The following LSAMP variants were observed in gnomAD, a reference collection of about 807,000 sequenced individuals.
LSAMP encodes limbic system-associated membrane protein.
A neutral mutation model predicts 38.6 loss-of-function variants in LSAMP; 7 were observed. That is an observed-to-expected ratio of 0.18 (90% confidence interval 0.10 to 0.34). The LOEUF is 0.34. Ranked by LOEUF, LSAMP falls within the 10% of genes least tolerant of loss-of-function variation. The pLI, the probability that LSAMP is intolerant of heterozygous loss-of-function variation, is 1.00. For synonymous variants in LSAMP, 154 were observed against 166.8 expected (o/e 0.92, Z 0.59); for missense variants, 313 against 420.0 (o/e 0.75, Z 2.23).
intron 2 of LSAMP, among the ~76,000 whole-genome samples, chr3:116,046,828 AATC>A (rs1941299597): frequency 2.0e-5 from 3 of 152,164 alleles, no homozygotes; most frequent in African/African-American, 7.2e-5. Flanking sequence ...AAATGAAGAT[AATC>A]ATTGTCAATA....
At chr3:115,925,233 T>G (rs1937472617) in intron 3 of LSAMP, among the ~76,000 whole-genome samples, 1 of 152,194 alleles carries the variant, frequency 6.6e-6, no homozygotes, top group Non-Finnish European at 1.5e-5. Context: ...TTCACAAAGC[T>G]TCTTGTGCTG....
intron 3 of LSAMP, among the ~76,000 whole-genome samples, chr3:115,906,628 C>T (rs963963145): frequency 2.0e-5 from 3 of 152,128 alleles, no homozygotes; most frequent in African/African-American, 7.2e-5. Context: ...CCATCAAAGC[C>T]TTAATTTGTT....
intron 3 of LSAMP, among the ~76,000 whole-genome samples, chr3:115,973,236 G>A (rs544952035): frequency 1.3e-5 from 2 of 152,294 alleles, no homozygotes; most frequent in East Asian, 3.9e-4. Flanking sequence ...GATTAATTTG[G>A]CAGCAGTCTA....
At chr3:116,249,181 A>G (rs1451719911) in intron 1 of LSAMP, among the ~76,000 whole-genome samples, 1 of 151,646 alleles carries the variant, frequency 6.6e-6, no homozygotes, top group Admixed American at 6.6e-5. Flanking sequence ...CTTAAACAAC[A>G]CTTTTGATAC....
Position 115,806,408 on chromosome 3 carries a change from A to G in LSAMP, c.*3909T>C, listed in dbSNP as rs1459624032. 1 of 152,232 alleles carries G rather than the reference A, an allele frequency of 6.6e-6. No individual in the cohort carries two copies. The highest frequency in any genetic ancestry group is 2.4e-5 in the African/African-American group (1 of 41,460). The allele number at this position is 152,232 out of a possible 1,614,324, so 9.4% of individuals were successfully genotyped here. On this transcript the variant is annotated 3_prime_UTR_variant, in exon 7 of 7. Coordinates refer to ENST00000490035, the MANE Select transcript of LSAMP (RefSeq NM_002338.5). ...AATGAAAAATTCAGGGAGAATAGCC[A>G]ATAGAAACAGTGAAACCACAACCAA... is the stretch of plus-strand genomic sequence containing the variant.
chr3:116,370,050 A>G (rs1421685836), intron 1 of LSAMP: 2 of 152,616 alleles, frequency 1.3e-5, no homozygotes, highest in Admixed American at 1.3e-4. Context: ...TAATACACTG[A>G]GCAAACTAAT....
In LSAMP at chr3:116,304,445, A is replaced by C. The variant is rs374056019; in HGVS notation, c.155+140432T>G. Among the ~76,000 whole-genome samples, 48 of 152,290 alleles carry C rather than the reference A, an allele frequency of 3.2e-4. No individual in the cohort carries two copies. In the South Asian group the frequency reaches 9.5e-3, roughly 30 times the overall value. ...ACTACAGGGAAAACCTTTTGAAACA[A>C]CATGGTGGCTACGAGGAAACATGTG... On this transcript the variant is annotated intron_variant, in intron 1 of 6. Transcript: ENST00000490035.
In LSAMP at chr3:116,266,068, C is replaced by T. The variant is rs185779011; in HGVS notation, c.155+178809G>A. On this transcript the variant is annotated intron_variant, in intron 1 of 6. Transcript: ENST00000490035. ...TTTATTTTCTCCCCTTGAGAATTTGCTGACTATTTTGTCCCCAGGGTCACA... is the reference window on the plus strand; with the variant it reads ...TTTATTTTCTCCCCTTGAGAATTTGTTGACTATTTTGTCCCCAGGGTCACA... Among the ~76,000 whole-genome samples the T allele has an allele frequency of 7.4e-4, 112 of 152,044 alleles. 1 individual carries two copies. The Middle Eastern group carries it at 0.024, about 33-fold the overall frequency.
intron 1 of LSAMP, among the ~76,000 whole-genome samples, chr3:116,088,282 A>C (rs1418197650): frequency 1.3e-5 from 2 of 152,176 alleles, no homozygotes; most frequent in Admixed American, 6.5e-5. Context: ...TTTAGGTATC[A>C]TTTAACATCT....
At chr3:116,082,374 TTG>T (rs1707889333) in intron 2 of LSAMP, among the ~76,000 whole-genome samples, 1 of 152,190 alleles carries the variant, frequency 6.6e-6, no homozygotes, top group Non-Finnish European at 1.5e-5. Context: ...CTCTTGATTT[TTG>T]TGTGTGTGCA....
chr3:116,209,424 C>T (rs549739687), intron 1 of LSAMP, among the ~76,000 whole-genome samples: 4 of 152,208 alleles, frequency 2.6e-5, no homozygotes, highest in African/African-American at 4.8e-5. Flanking sequence ...TGGCTCTTCC[C>T]TCAAATTTCT....
chr3:116,141,421 A>G (rs1365749849), intron 1 of LSAMP, among the ~76,000 whole-genome samples: 2 of 151,990 alleles, frequency 1.3e-5, no homozygotes, highest in East Asian at 1.9e-4. Context: ...TACCTAGAAA[A>G]AAAAAGTAGC....
At chr3:115,957,829 G>T (rs991119710) in intron 3 of LSAMP, among the ~76,000 whole-genome samples, 1 of 152,034 alleles carries the variant, frequency 6.6e-6, no homozygotes, top group Non-Finnish European at 1.5e-5. Flanking sequence ...TCAAACCATA[G>T]GATTTCCAAA....
At chr3:116,314,521 C>T (rs959616922) in intron 1 of LSAMP, among the ~76,000 whole-genome samples, 2 of 152,120 alleles carry the variant, frequency 1.3e-5, no homozygotes, top group African/African-American at 4.8e-5. Flanking sequence ...TACTTAGCAT[C>T]CCCCATCCTG....
intron 6 of LSAMP, among the ~76,000 whole-genome samples, chr3:115,836,188 CTTG>C (rs1440906416): frequency 6.6e-6 from 1 of 152,126 alleles, no homozygotes; most frequent in Non-Finnish European, 1.5e-5. Flanking sequence ...TGCTTCTCAG[CTTG>C]TTATTACCGT....
chr3:116,027,292 G>A (rs1940815182), intron 2 of LSAMP, among the ~76,000 whole-genome samples: 1 of 152,172 alleles, frequency 6.6e-6, no homozygotes, highest in Non-Finnish European at 1.5e-5. Context: ...GCAATGGTTA[G>A]TACACGTCAT....
intron 1 of LSAMP, among the ~76,000 whole-genome samples, chr3:116,368,770 ATATGT>A (rs1576168093): frequency 1.3e-5 from 2 of 152,222 alleles, no homozygotes; most frequent in African/African-American, 4.8e-5. Flanking sequence ...TTGTAATAAG[ATATGT>A]TATAATAGAG....
intron 2 of LSAMP, among the ~76,000 whole-genome samples, chr3:116,035,889 G>A (rs550378528): frequency 6.6e-5 from 10 of 152,176 alleles, no homozygotes; most frequent in Non-Finnish European, 1.5e-4. Flanking sequence ...GGGTTCCTTT[G>A]GGACCATACA....
chr3:116,182,862 T>C (rs1480310357), intron 1 of LSAMP, among the ~76,000 whole-genome samples: 1 of 151,842 alleles, frequency 6.6e-6, no homozygotes, highest in Non-Finnish European at 1.5e-5. Flanking sequence ...TATATATTGG[T>C]AATACACAGA....
Sources: gnomAD v4.1 joint callset for allele counts (sites outside exome capture counted in the v4.1 genomes callset) on GRCh38, gnomAD v4.1.1 for gene constraint, MANE v1.5 for transcripts, NCBI Gene and HGNC (gene_info 2026-07-23, HGNC 2026-07-21) for gene names.